Variants in TENM2 observed in about 807,000 individuals in gnomAD.
TENM2 encodes the protein teneurin-2.
In TENM2, 52 loss-of-function variants were observed where a neutral mutation model predicts 245.2. That is an observed-to-expected ratio of 0.21 (90% CI 0.17 to 0.27). The LOEUF (loss-of-function observed/expected upper bound fraction) is 0.27, where lower values mean the gene tolerates loss of function less well. TENM2 is among the 10% of genes least tolerant of loss of function. The probability of loss-of-function intolerance (pLI) is 1.00; values close to 1 mark genes in which losing one functional copy is unlikely to be tolerated. For synonymous variants in TENM2, 1,363 were observed against 1,438.9 expected, an observed-to-expected ratio of 0.95 and a Z score of 1.19; for missense variants, 3,046 against 3,666.8, an observed-to-expected ratio of 0.83 and a Z score of 4.37.
At chr5:168,045,088 C>T (rs1009433560) in intron 5 of TENM2, among the ~76,000 whole-genome samples, 2 of 152,132 alleles carry the variant, frequency 1.3e-5, no homozygotes, top group African/African-American at 4.8e-5. Context: ...TGTTGCATTG[C>T]TTCTTTTGGA....
intron 2 of TENM2, among the ~76,000 whole-genome samples, chr5:167,510,022 T>G (rs2127568120): frequency 6.6e-6 from 1 of 152,338 alleles, no homozygotes; most frequent in South Asian, 2.1e-4. Context: ...ATCAATGTTT[T>G]ATCTACTAAA....
At chr5:167,114,301 T>A in the TENM2 span, among the ~76,000 whole-genome samples, 6 of 152,196 alleles carry the variant, frequency 3.9e-5, no homozygotes, top group Non-Finnish European at 8.8e-5. Flanking sequence ...TTTAAAAACA[T>A]GGCTTTAAAT....
chr5:167,647,838 C>G (rs1178601658), intron 2 of TENM2, among the ~76,000 whole-genome samples: 1 of 152,138 alleles, frequency 6.6e-6, no homozygotes, highest in East Asian at 1.9e-4. Flanking sequence ...CAGAACCCTT[C>G]CCAATTTAGA....
At chr5:167,551,951 G>A (rs949231911) in intron 2 of TENM2, among the ~76,000 whole-genome samples, 3 of 152,172 alleles carry the variant, frequency 2.0e-5, no homozygotes, top group Non-Finnish European at 2.9e-5. Flanking sequence ...TTCAAGCCAG[G>A]CAGTCACAGA....
At chr5:167,009,077 A>G in the TENM2 span, among the ~76,000 whole-genome samples, 1 of 152,192 alleles carries the variant, frequency 6.6e-6, no homozygotes, top group African/African-American at 2.4e-5. Context: ...GATCAACTCC[A>G]TTGTGCCTTC....
chr5:168,195,889 G>A (rs779012936), intron 15 of TENM2, among the ~76,000 whole-genome samples: 8 of 151,982 alleles, frequency 5.3e-5, no homozygotes, highest in African/African-American at 9.7e-5. Context: ...GATTGGAAAC[G>A]TGTACCCGTT....
chr5:167,208,905 G>A, the TENM2 span, among the ~76,000 whole-genome samples: 2 of 152,222 alleles, frequency 1.3e-5, no homozygotes, highest in Non-Finnish European at 2.9e-5. Flanking sequence ...TTGTTGGTCA[G>A]AATGAGAACA....
intron 1 of TENM2, among the ~76,000 whole-genome samples, chr5:167,362,717 C>A (rs1381324386): frequency 6.6e-6 from 1 of 152,126 alleles, no homozygotes; most frequent in Non-Finnish European, 1.5e-5. Flanking sequence ...TAAGATATTG[C>A]ATTACTTAAT....
chr5:167,015,769 AT>A, the TENM2 span, among the ~76,000 whole-genome samples: 26 of 151,562 alleles, frequency 1.7e-4, no homozygotes, highest in East Asian at 3.9e-4. Context: ...ATCAAGATAT[AT>A]TTTTTTTTCT....
intron 2 of TENM2, among the ~76,000 whole-genome samples, chr5:167,608,571 C>T (rs567537125): frequency 6.6e-6 from 1 of 152,344 alleles, no homozygotes; most frequent in East Asian, 1.9e-4. Context: ...TTCGGCAGCG[C>T]CGACATCCCC....
At chr5:167,668,991 C>T (rs144692537) in intron 2 of TENM2, among the ~76,000 whole-genome samples, 21 of 152,076 alleles carry the variant, frequency 1.4e-4, no homozygotes, top group East Asian at 7.7e-4. Context: ...GAACAGAAGT[C>T]GAAGAATAAA....
At chr5:167,591,181 G>A (rs1002348015) in intron 2 of TENM2, among the ~76,000 whole-genome samples, 2 of 152,192 alleles carry the variant, frequency 1.3e-5, no homozygotes, top group African/African-American at 4.8e-5. Context: ...CCTTGGTGGA[G>A]TGAATTTGAG....
chr5:167,070,268 C>A, the TENM2 span, among the ~76,000 whole-genome samples: 1 of 145,408 alleles, frequency 6.9e-6, no homozygotes, highest in Middle Eastern at 3.7e-3. Context: ...CAAGCACCTG[C>A]CACCACGCCC....
At chr5:167,922,281 T>C (rs1777430915) in intron 3 of TENM2, among the ~76,000 whole-genome samples, 1 of 152,158 alleles carries the variant, frequency 6.6e-6, no homozygotes, top group Non-Finnish European at 1.5e-5. Context: ...CCCTGGCTCT[T>C]GAAGTGCACC....
At chr5:167,104,425 C>T in the TENM2 span, among the ~76,000 whole-genome samples, 1 of 152,074 alleles carries the variant, frequency 6.6e-6, no homozygotes, top group Non-Finnish European at 1.5e-5. Context: ...AGAACTTATT[C>T]ATAATTTAAT....
At chr5:167,461,590 T>C (rs1582112775) in intron 2 of TENM2, among the ~76,000 whole-genome samples, 1 of 152,328 alleles carries the variant, frequency 6.6e-6, no homozygotes, top group South Asian at 2.1e-4. Context: ...CGAACTTGGG[T>C]TATTTAGCAA....
At chr5:167,460,611 T>G (rs1196345325) in intron 2 of TENM2, among the ~76,000 whole-genome samples, 1 of 152,138 alleles carries the variant, frequency 6.6e-6, no homozygotes, top group Non-Finnish European at 1.5e-5. Context: ...GTCTTTTTTT[T>G]TTTTCTCCCT....
intron 2 of TENM2, among the ~76,000 whole-genome samples, chr5:167,716,280 A>G (rs1759250350): frequency 6.6e-6 from 1 of 152,216 alleles, no homozygotes; most frequent in Admixed American, 6.5e-5. Flanking sequence ...TTTAACATTC[A>G]TGCCTTCTCC....
chr5:167,477,450 C>T (rs1034275562), intron 2 of TENM2, among the ~76,000 whole-genome samples: 5 of 151,782 alleles, frequency 3.3e-5, no homozygotes, highest in Admixed American at 2.6e-4. Context: ...GGGGGGAGGT[C>T]TCAGACTATG....
Sources: gnomAD v4.1 joint callset for allele counts (sites outside exome capture counted in the v4.1 genomes callset) on GRCh38, gnomAD v4.1.1 for gene constraint, MANE v1.5 for transcripts, NCBI Gene and HGNC (gene_info 2026-07-23, HGNC 2026-07-21) for gene names.